OMA1: variants seen among roughly 807,000 people sequenced by gnomAD.
The protein encoded by OMA1 is metalloendopeptidase OMA1, mitochondrial.
Under a neutral mutation model 30.9 loss-of-function variants are expected in OMA1, and 38 were observed. The ratio of observed to expected loss-of-function variants is 1.23; its 90% confidence interval spans 0.95 to 1.61. OMA1 has a LOEUF of 1.61. Among genes scored for constraint, OMA1 ranks in the 40% most tolerant of loss-of-function variants. The probability of loss-of-function intolerance (pLI) is 0.00; values close to 1 mark genes in which losing one functional copy is unlikely to be tolerated. For synonymous variants in OMA1, 173 were observed against 121.9 expected (o/e 1.42, Z -2.76); for missense variants, 461 against 349.2 (o/e 1.32, Z -2.55).
intron 8 of OMA1, among the ~76,000 whole-genome samples, chr1:58,483,847 T>C (rs1024537508): frequency 6.6e-6 from 1 of 152,192 alleles, no homozygotes; most frequent in African/African-American, 2.4e-5. Context: ...ACAATGATGT[T>C]AATTTTCTTT....
chr1:58,527,158 C>T (rs1427231963), intron 7 of OMA1, 103 bp downstream of exon 7: 21 of 744,336 alleles, frequency 2.8e-5, no homozygotes, highest in Non-Finnish European at 4.7e-5. Context: ...CTAATACAGT[C>T]CAACTCTCAT....
intron 1 of OMA1, among the ~76,000 whole-genome samples, chr1:58,540,781 G>C (rs1358544420): frequency 6.6e-6 from 1 of 151,002 alleles, no homozygotes; most frequent in East Asian, 1.9e-4. Flanking sequence ...TCATCTAACT[G>C]AAGTCCCCAA....
chr1:58,527,339 A>C lies in OMA1; in HGVS notation c.1141-4T>G, dbSNP rs1384714397. 2 of 871,370 alleles carry C rather than the reference A, an allele frequency of 2.3e-6. No individual in the cohort carries two copies. Among genetic ancestry groups the C allele is most frequent in the Non-Finnish European group, 4.0e-6 (2 of 500,966 alleles). The allele number at this position is 871,370 out of a possible 1,614,324, so 54.0% of individuals were successfully genotyped here. A position where few individuals can be genotyped will look rare whatever the true frequency, so the allele number is the denominator to read the frequency against. On this transcript the variant is annotated splice_polypyrimidine_tract_variant and splice_region_variant and intron_variant, in intron 6 of 8. Coordinates refer to ENST00000371226, the MANE Select transcript of OMA1 (RefSeq NM_145243.5). ...TGTATGGTCTATTAAACATATACTAAGAAGAAATGACAGAAAAGCTCCATT... is the reference window on the plus strand; with the variant it reads ...TGTATGGTCTATTAAACATATACTACGAAGAAATGACAGAAAAGCTCCATT...
At chr1:58,481,496 G>A (rs377291504) in intron 8 of OMA1, among the ~76,000 whole-genome samples, 175 of 152,084 alleles carry the variant, frequency 1.2e-3, no homozygotes, top group African/African-American at 4.1e-3. Context: ...CTAGCAGACC[G>A]GAGAATCATT....
intron 8 of OMA1, among the ~76,000 whole-genome samples, chr1:58,490,844 C>T (rs1427342442): frequency 3.1e-5 from 4 of 127,934 alleles, no homozygotes; most frequent in East Asian, 2.6e-4. Flanking sequence ...CTCTCGCTCT[C>T]GCCCAGGCTG....
In OMA1 at chr1:58,546,713, G is replaced by A. The variant is rs575408178; in HGVS notation, c.-27C>T. The A allele has an allele frequency of 2.6e-5, 4 of 152,356 alleles. No individual in the cohort carries two copies. Among genetic ancestry groups the A allele is most frequent in the African/African-American group, 9.6e-5 (4 of 41,528 alleles). 9.4% of individuals were successfully genotyped at this position (152,356 alleles called of 1,614,324 possible). On this transcript the variant is annotated 5_prime_UTR_variant, in exon 1 of 9. Coordinates refer to ENST00000371226, the MANE Select transcript of OMA1 (RefSeq NM_145243.5). ...ACCGTGAGGACTGACTCAAGCAGAAGCGAAAGCGGTGACACCGCAGACCCG... is the reference window on the plus strand; with the variant it reads ...ACCGTGAGGACTGACTCAAGCAGAAACGAAAGCGGTGACACCGCAGACCCG...
intron 7 of OMA1, among the ~76,000 whole-genome samples, chr1:58,518,921 TGAG>T (rs1241079920): frequency 6.6e-6 from 1 of 152,134 alleles, no homozygotes; most frequent in Non-Finnish European, 1.5e-5. Context: ...TGAGAAAAGT[TGAG>T]GCACAAAAAG....
intron 7 of OMA1, among the ~76,000 whole-genome samples, chr1:58,512,437 G>T (rs1311093408): frequency 6.6e-6 from 1 of 152,064 alleles, no homozygotes; most frequent in African/African-American, 2.4e-5. Flanking sequence ...GATCTCAAAG[G>T]GATTTGCACT....
chr1:58,523,055 T>C (rs1646292124), intron 7 of OMA1, among the ~76,000 whole-genome samples: 1 of 152,202 alleles, frequency 6.6e-6, no homozygotes, highest in Non-Finnish European at 1.5e-5. Context: ...TTCTGCTAGA[T>C]TGTCTAATGT....
intron 1 of OMA1, among the ~76,000 whole-genome samples, chr1:58,539,855 G>A (rs1029317444): frequency 2.0e-5 from 3 of 152,206 alleles, no homozygotes; most frequent in East Asian, 3.9e-4. Context: ...CCCCTAAATC[G>A]AAGAGATAAA....
rs201567964 is a variant in OMA1, at chr1:58,538,779, T to G, written c.500+16A>C. ...AAAGTTAATATAAAAGTTTTTATTCTAAAAAAGCATTTTACCTGCCTACAA... is the reference window on the plus strand; with the variant it reads ...AAAGTTAATATAAAAGTTTTTATTCGAAAAAAGCATTTTACCTGCCTACAA... On this transcript the variant is annotated intron_variant, in intron 2 of 8. Transcript: ENST00000371226. 2.8e-3 allele frequency: 2,090 copies of G among 739,938 alleles called. 29 individuals carry two copies. Among genetic ancestry groups the G allele is most frequent in the Middle Eastern group, 0.025 (101 of 4,086 alleles). The allele number at this position is 739,938 out of a possible 1,614,324, so 45.8% of individuals were successfully genotyped here.
intron 8 of OMA1, among the ~76,000 whole-genome samples, chr1:58,486,103 A>G (rs1333681905): frequency 2.0e-5 from 3 of 152,202 alleles, no homozygotes; most frequent in Non-Finnish European, 4.4e-5. Flanking sequence ...ATCTAAATTG[A>G]CATTGGAATT....
intron 7 of OMA1, among the ~76,000 whole-genome samples, chr1:58,523,899 A>G (rs561990155): frequency 4.6e-5 from 7 of 152,248 alleles, no homozygotes; most frequent in Non-Finnish European, 7.4e-5. Flanking sequence ...ACTCCATCTC[A>G]AAAAAAGAAA....
intron 8 of OMA1, among the ~76,000 whole-genome samples, chr1:58,491,019 G>C (rs1158136557): frequency 6.6e-6 from 1 of 151,604 alleles, no homozygotes; most frequent in Non-Finnish European, 1.5e-5. Context: ...ATGTTAGCCA[G>C]GATGGTCTCA....
At chr1:58,498,616 C>T (rs1645844756) in intron 8 of OMA1, among the ~76,000 whole-genome samples, 1 of 151,860 alleles carries the variant, frequency 6.6e-6, no homozygotes, top group Non-Finnish European at 1.5e-5. Flanking sequence ...ATTAACAGAA[C>T]AAAAACTCTA....
intron 6 of OMA1, among the ~76,000 whole-genome samples, chr1:58,529,675 T>C (rs994933193): frequency 7.2e-5 from 11 of 152,236 alleles, no homozygotes; most frequent in African/African-American, 2.4e-4. Context: ...TGGCTCTCTA[T>C]ATCTGTGGAT....
At chr1:58,519,467 T>C (rs1042564723) in intron 7 of OMA1, among the ~76,000 whole-genome samples, 10 of 152,142 alleles carry the variant, frequency 6.6e-5, no homozygotes, top group Admixed American at 1.3e-4. Context: ...CCTACAATCT[T>C]ACAGTAGAGC....
chr1:58,497,364 T>C (rs962827443), intron 8 of OMA1, among the ~76,000 whole-genome samples: 1 of 152,178 alleles, frequency 6.6e-6, no homozygotes, highest in Admixed American at 6.5e-5. Context: ...AGAAATCTGA[T>C]GTAGACAGAA....
At chr1:58,542,226 A>G (rs560445351) in intron 1 of OMA1, among the ~76,000 whole-genome samples, 32 of 152,356 alleles carry the variant, frequency 2.1e-4, no homozygotes, top group South Asian at 2.1e-3. Flanking sequence ...TAATAGTTTG[A>G]CATTATTAAC....
Sources: gnomAD v4.1 joint callset for allele counts (sites outside exome capture counted in the v4.1 genomes callset) on GRCh38, gnomAD v4.1.1 for gene constraint, MANE v1.5 for transcripts, NCBI Gene and HGNC (gene_info 2026-07-23, HGNC 2026-07-21) for gene names.